The following CSMD1 variants were observed in gnomAD, a reference collection of about 807,000 sequenced individuals.
The protein encoded by CSMD1 is CUB and sushi domain-containing protein 1.
CSMD1 carries 213 observed loss-of-function variants against 417.5 expected under a neutral mutation model. That is an observed-to-expected ratio of 0.51 (90% CI 0.46 to 0.57). CSMD1 has a LOEUF of 0.57. CSMD1 is among the 20% of genes least tolerant of loss of function. CSMD1 has a pLI of 0.00. For missense variants in CSMD1, 6,923 were observed against 4,529.7 expected (o/e 1.53, Z -15.17); for synonymous variants, 2,862 against 1,736.8 (o/e 1.65, Z -16.11).
intron 3 of CSMD1, among the ~76,000 whole-genome samples, chr8:4,143,538 T>C (rs71523614): frequency 0.3 from 45,250 of 150,786 alleles, 8,442 homozygotes; most frequent in Non-Finnish European, 0.39. Flanking sequence ...ATATCAAATC[T>C]ATATTGTATA....
At chr8:3,374,584 A>C (rs1810190394) in intron 18 of CSMD1, among the ~76,000 whole-genome samples, 1 of 152,164 alleles carries the variant, frequency 6.6e-6, no homozygotes, top group African/African-American at 2.4e-5. Context: ...TGAATCAACA[A>C]AGTGATGAAT....
chr8:3,170,369 G>A (rs1043325305), intron 37 of CSMD1, among the ~76,000 whole-genome samples: 2 of 152,118 alleles, frequency 1.3e-5, no homozygotes, highest in Non-Finnish European at 2.9e-5. Flanking sequence ...CACCATACCT[G>A]GCTAATTGTT....
intron 1 of CSMD1, among the ~76,000 whole-genome samples, chr8:4,856,857 C>G (rs1186967460): frequency 1.3e-5 from 2 of 151,920 alleles, no homozygotes; most frequent in Non-Finnish European, 2.9e-5. Flanking sequence ...CACAGATCAA[C>G]GAGACAGAAA....
chr8:4,919,369 A>G (rs543348564), intron 1 of CSMD1, among the ~76,000 whole-genome samples: 4 of 152,202 alleles, frequency 2.6e-5, no homozygotes, highest in Admixed American at 2.0e-4. Flanking sequence ...AATTTAGCAT[A>G]AACAAATAAT....
At chr8:3,392,068 G>A (rs1201325191) in intron 17 of CSMD1, among the ~76,000 whole-genome samples, 2 of 140,884 alleles carry the variant, frequency 1.4e-5, no homozygotes, top group Non-Finnish European at 3.1e-5. Context: ...AGAACAAATG[G>A]ATCCAGGAAG....
chr8:3,830,406 G>C (rs375252710), intron 5 of CSMD1, among the ~76,000 whole-genome samples: 50 of 152,300 alleles, frequency 3.3e-4, no homozygotes, highest in African/African-American at 1.1e-3. Context: ...CTTCCAATCA[G>C]ATGATACCCA....
At chr8:3,800,979 A>C (rs923717345) in intron 5 of CSMD1, among the ~76,000 whole-genome samples, 11 of 152,190 alleles carry the variant, frequency 7.2e-5, no homozygotes, top group African/African-American at 2.7e-4. Flanking sequence ...ACAGACTAAG[A>C]CAATTTAAAT....
At chr8:3,641,267 G>A (rs943452289) in intron 7 of CSMD1, among the ~76,000 whole-genome samples, 1 of 151,990 alleles carries the variant, frequency 6.6e-6, no homozygotes, top group South Asian at 2.1e-4. Context: ...AAATCCAGGG[G>A]AGTAAGTGGC....
chr8:4,142,843 T>C (rs1264652765), intron 3 of CSMD1, among the ~76,000 whole-genome samples: 3 of 151,230 alleles, frequency 2.0e-5, no homozygotes, highest in Non-Finnish European at 4.4e-5. Flanking sequence ...TCTTAAATTG[T>C]TGTGCTGTTT....
At chr8:3,027,335 A>G (rs532299425) in intron 51 of CSMD1, among the ~76,000 whole-genome samples, 4 of 152,136 alleles carry the variant, frequency 2.6e-5, no homozygotes, top group Non-Finnish European at 4.4e-5. Context: ...GGCTTTTTGG[A>G]GAACAATGTG....
intron 5 of CSMD1, among the ~76,000 whole-genome samples, chr8:3,871,459 A>G (rs1366244963): frequency 6.6e-6 from 1 of 152,146 alleles, no homozygotes; most frequent in African/African-American, 2.4e-5. Context: ...ATTATTCTAA[A>G]TTACTAGTGA....
At chr8:4,889,491 T>C (rs1803965007) in intron 1 of CSMD1, among the ~76,000 whole-genome samples, 1 of 152,120 alleles carries the variant, frequency 6.6e-6, no homozygotes, top group South Asian at 2.1e-4. Context: ...TTTTCCTTGC[T>C]TATATCCTTG....
Position 4,284,180 on chromosome 8 carries a change from C to T in CSMD1, c.415+135773G>A, listed in dbSNP as rs547071435. Among the ~76,000 whole-genome samples, 684 of 152,178 alleles carry T rather than the reference C, an allele frequency of 4.5e-3. 6 individuals are homozygous for T. Among genetic ancestry groups the T allele is most frequent in the South Asian group, 0.013 (63 of 4,826 alleles). ...GTCAGGAGTTCCAGACTAGGCTGGC[C>T]AACATGGTGAAACCCTATCTCTACT... is the stretch of plus-strand genomic sequence containing the variant. On this transcript the variant is annotated intron_variant, in intron 3 of 69. Coordinates refer to ENST00000635120, the MANE Select transcript of CSMD1 (RefSeq NM_033225.6).
At chr8:3,541,593 A>C (rs1254338612) in intron 10 of CSMD1, among the ~76,000 whole-genome samples, 2 of 138,288 alleles carry the variant, frequency 1.4e-5, no homozygotes, top group African/African-American at 3.2e-5. Flanking sequence ...AATAAAAATA[A>C]AATACTCTAA....
At position 3,861,023 on chromosome 8, in the gene CSMD1, G is replaced by T. The variant is rs1293240113; in HGVS notation, c.819-106981C>A. 2.0e-5 allele frequency among the ~76,000 whole-genome samples: 3 copies of T among 152,196 alleles called. No individual in the cohort carries two copies. In the South Asian group the frequency reaches 6.2e-4, roughly 31 times the overall value. On this transcript the variant is annotated intron_variant, in intron 5 of 69. Coordinates refer to ENST00000635120, the MANE Select transcript of CSMD1 (RefSeq NM_033225.6). ...TATGACAGATATGTAAGTTTTCCTTGTATGAACTGCTGCTCTTAATTTGCT... is the reference window on the plus strand; with the variant it reads ...TATGACAGATATGTAAGTTTTCCTTTTATGAACTGCTGCTCTTAATTTGCT...
intron 55 of CSMD1, among the ~76,000 whole-genome samples, chr8:2,978,009 A>C (rs1276652676): frequency 6.6e-6 from 1 of 152,224 alleles, no homozygotes; most frequent in Non-Finnish European, 1.5e-5. Context: ...TTTGGAAGAC[A>C]GTGTAGCGAT....
chr8:3,465,525 G>GAAAGCATCCTCCAGGGAGATTTTCTCAGA (rs1816748511), intron 12 of CSMD1, among the ~76,000 whole-genome samples: 1 of 152,136 alleles, frequency 6.6e-6, no homozygotes, highest in Admixed American at 6.5e-5. Context: ...GGGGTGCCAG[G>GAAAGCATCCTCCAGGGAGATTTTCTCAGA]AAAGCATCCT....
At chr8:3,640,409 T>C (rs17066707) in intron 7 of CSMD1, among the ~76,000 whole-genome samples, 3,142 of 152,316 alleles carry the variant, frequency 0.021, 103 homozygotes, top group African/African-American at 0.072. Flanking sequence ...TATGGTACAT[T>C]GTAAAGACCA....
At chr8:4,150,026 C>A (rs1039902901) in intron 3 of CSMD1, among the ~76,000 whole-genome samples, 1 of 152,140 alleles carries the variant, frequency 6.6e-6, no homozygotes, top group South Asian at 2.1e-4. Context: ...ATATCCTCAA[C>A]GCTGCACGTA....
Sources: gnomAD v4.1 joint callset for allele counts (sites outside exome capture counted in the v4.1 genomes callset) on GRCh38, gnomAD v4.1.1 for gene constraint, MANE v1.5 for transcripts, NCBI Gene and HGNC (gene_info 2026-07-23, HGNC 2026-07-21) for gene names.